The following ZBTB43 variants were observed in gnomAD, a reference collection of about 807,000 sequenced individuals.
The protein encoded by ZBTB43 is zinc finger and BTB domain containing 43.
A neutral mutation model predicts 31.1 loss-of-function variants in ZBTB43; 6 were observed. The ratio of observed to expected loss-of-function variants is 0.19; its 90% CI spans 0.11 to 0.38. The LOEUF (loss-of-function observed/expected upper bound fraction) is 0.38, where lower values mean the gene tolerates loss of function less well. Among genes scored for constraint, ZBTB43 ranks in the 10% least tolerant of loss-of-function variants. The pLI, the probability that ZBTB43 is intolerant of heterozygous loss-of-function variation, is 1.00. For synonymous variants in ZBTB43, 212 were observed against 221.7 expected (o/e 0.96, Z 0.39); for missense variants, 379 against 602.1 (o/e 0.63, Z 3.88).
intron 2 of ZBTB43, among the ~76,000 whole-genome samples, chr9:126,820,777 G>A (rs1246973288): frequency 6.6e-6 from 1 of 151,792 alleles, no homozygotes; most frequent in Non-Finnish European, 1.5e-5. Context: ...AGACCAACCT[G>A]AGCAGCATAC....
chr9:126,827,137 C>G (rs1236689799), intron 2 of ZBTB43, among the ~76,000 whole-genome samples: 2 of 152,108 alleles, frequency 1.3e-5, no homozygotes, highest in East Asian at 3.9e-4. Flanking sequence ...TTCCTTGTTC[C>G]ATGTAGTTGC....
At chr9:126,815,623 T>C (rs2900252) in intron 2 of ZBTB43, among the ~76,000 whole-genome samples, 22,206 of 150,488 alleles carry the variant, frequency 0.15, 2,150 homozygotes, top group South Asian at 0.28. Flanking sequence ...TTTTTTAAAT[T>C]TCTAGATGTT....
At chr9:126,806,633 T>G (rs1353894841) in intron 1 of ZBTB43, among the ~76,000 whole-genome samples, 1 of 152,236 alleles carries the variant, frequency 6.6e-6, no homozygotes, top group Non-Finnish European at 1.5e-5. Context: ...TCTTAAAGTT[T>G]TATGTATATT....
At chr9:126,825,546 C>G (rs1455063110) in intron 2 of ZBTB43, among the ~76,000 whole-genome samples, 1 of 152,210 alleles carries the variant, frequency 6.6e-6, no homozygotes, top group Non-Finnish European at 1.5e-5. Context: ...CAGCCTCCTT[C>G]TCACTGGGCC....
Position 126,833,367 on chromosome 9 carries a change from A to G in ZBTB43, c.858A>G (p.Gly286=). ...VQTEHTVQPS[G]VEEDFHIGEK... ...CAGAGCACACGGTGCAGCCTTCGGG[A>G]GTGGAGGAGGACTTCCACATCGGGG... Residue 286 remains glycine, a synonymous_variant, in exon 3 of 3, where the codon GGA becomes GGG. Coordinates refer to ENST00000373464, the MANE Select transcript of ZBTB43 (RefSeq NM_014007.4). This position sits in a 1 kb window ranked among gnomAD's most constrained non-coding sequence, Gnocchi z 7.9. The G allele has an allele frequency of 2.5e-6, 4 of 1,613,346 alleles. No homozygotes were observed. Among genetic ancestry groups the G allele is most frequent in the African/African-American group, 1.3e-5 (1 of 75,010 alleles).
intron 1 of ZBTB43, among the ~76,000 whole-genome samples, chr9:126,806,498 T>C (rs1462827968): frequency 1.3e-5 from 2 of 152,164 alleles, no homozygotes; most frequent in Admixed American, 1.3e-4. Flanking sequence ...GAGTTATTGC[T>C]TAATGTTACA....
chr9:126,819,734 TA>T (rs2032470644), intron 2 of ZBTB43, among the ~76,000 whole-genome samples: 1 of 152,064 alleles, frequency 6.6e-6, no homozygotes, highest in African/African-American at 2.4e-5. Context: ...TGACTAAGCT[TA>T]GTGAGGAAGG....
chr9:126,811,979 G>GTT (rs113608944), intron 2 of ZBTB43, among the ~76,000 whole-genome samples: 3 of 148,980 alleles, frequency 2.0e-5, no homozygotes, highest in African/African-American at 7.4e-5. Flanking sequence ...TAATAAAGAG[G>GTT]TTTTTTTTTT....
At chr9:126,808,190 G>A (rs2032168915) in intron 1 of ZBTB43, among the ~76,000 whole-genome samples, 1 of 152,118 alleles carries the variant, frequency 6.6e-6, no homozygotes. Flanking sequence ...CGATAAATGG[G>A]GGGTTAGTTT....
At chr9:126,809,737 G>C (rs573334895) in intron 2 of ZBTB43, among the ~76,000 whole-genome samples, 1 of 152,304 alleles carries the variant, frequency 6.6e-6, no homozygotes, top group Admixed American at 6.5e-5. Flanking sequence ...TAGCTTTTAA[G>C]AAGCATAGTG....
chr9:126,813,549 G>T (rs1209005666), intron 2 of ZBTB43, among the ~76,000 whole-genome samples: 2 of 152,144 alleles, frequency 1.3e-5, no homozygotes, highest in African/African-American at 4.8e-5. Context: ...GAGTGAAAGA[G>T]AGCCGAGGGA....
Position 126,833,617 on chromosome 9 carries a change from G to A in ZBTB43, c.1108G>A (p.Asp370Asn), listed in dbSNP as rs1270768769. ...EASHLGFSAT[D>N]KLYPCQCGKS... ...TTCCCACTTAGGATTCTCAGCCACT[G>A]ACAAGCTGTATCCTTGTCAGTGTGG... The change falls in exon 3 of 3, where the codon GAC becomes AAC. Residue 370 changes from aspartate (D) to asparagine (N), a missense_variant. Around this residue, in one of 5 missense-constraint regions of ZBTB43, gnomAD observed 253 missense variants for 322.3 expected, o/e 0.79. Transcript: ENST00000373464. This position sits in a 1 kb window ranked among gnomAD's most constrained non-coding sequence, Gnocchi z 7.9. 3 of 1,613,950 alleles carry A rather than the reference G, an allele frequency of 1.9e-6. No homozygotes were observed. The highest frequency in any genetic ancestry group is 4.5e-5 in the East Asian group (2 of 44,884).
chr9:126,831,147 C>T lies in ZBTB43; in HGVS notation c.-23-1340C>T, dbSNP rs78588266. ...TGAAAGACCAGAGGTGCAATTGTCC[C>T]GTCCTCACTGCTCAAGCCCCCAGGC... On this transcript the variant is annotated intron_variant, in intron 2 of 2. Coordinates refer to ENST00000373464, the MANE Select transcript of ZBTB43 (RefSeq NM_014007.4). Among the ~76,000 whole-genome samples, 1,475 of 152,210 alleles carry T rather than the reference C, an allele frequency of 9.7e-3. 12 individuals carry two copies. Among genetic ancestry groups the T allele is most frequent in the Middle Eastern group, 0.027 (8 of 294 alleles).
At chr9:126,815,865 A>C (rs1381897179) in intron 2 of ZBTB43, among the ~76,000 whole-genome samples, 2 of 151,500 alleles carry the variant, frequency 1.3e-5, no homozygotes, top group Non-Finnish European at 2.9e-5. Flanking sequence ...GTGATTTTTA[A>C]ATTTGATGTC....
Position 126,833,050 on chromosome 9 carries a change from A to G in ZBTB43, c.541A>G (p.Thr181Ala). Residue 181 changes from threonine (T) to alanine (A), a missense_variant, in exon 3 of 3, where the codon ACC (threonine) becomes GCC (alanine). Around this residue, in one of 5 missense-constraint regions of ZBTB43, gnomAD observed 253 missense variants for 322.3 expected, o/e 0.79. Coordinates refer to ENST00000373464, the MANE Select transcript of ZBTB43 (RefSeq NM_014007.4). The surrounding 1 kb of genome is among the most constrained non-coding windows in gnomAD (Gnocchi z 7.9). ...LRDGENEEES[T>A]KDELSSQLTE... ...AGATGGTGAAAATGAAGAGGAGAGC[A>G]CCAAAGACGAGCTGTCATCCCAGCT... The G allele has an allele frequency of 1.2e-6, 2 of 1,614,032 alleles. No homozygotes were observed. The highest frequency in any genetic ancestry group is 1.3e-5 in the African/African-American group (1 of 75,050).
intron 2 of ZBTB43, among the ~76,000 whole-genome samples, chr9:126,809,996 G>A (rs1241547293): frequency 2.0e-5 from 3 of 151,518 alleles, no homozygotes; most frequent in Non-Finnish European, 4.4e-5. Flanking sequence ...CACCACACCC[G>A]GCTAATTTTT....
Position 126,815,265 on chromosome 9 carries a change from TATAAAACTATATATATATA to T in ZBTB43, c.-24+6351_-24+6369del, listed in dbSNP as rs1170740871. 3.7e-3 allele frequency among the ~76,000 whole-genome samples: 480 copies of T among 129,206 alleles called. 6 individuals are homozygous for T. Among genetic ancestry groups the T allele is most frequent in the African/African-American group, 0.013 (450 of 35,590 alleles). 84.8% of individuals were successfully genotyped at this position (129,206 alleles called of 152,430 possible). The stretch of plus-strand genomic sequence containing the variant: ...AACTATATATATATAGTTTTCAATA[TATAAAACTATATATATATA>T]GTTTTCAATATATAAAACTATATAT... On this transcript the variant is annotated intron_variant, in intron 2 of 2. Transcript: ENST00000373464.
intron 2 of ZBTB43, among the ~76,000 whole-genome samples, chr9:126,809,411 A>G (rs2119107424): frequency 6.6e-6 from 1 of 152,348 alleles, no homozygotes; most frequent in South Asian, 2.1e-4. Context: ...AATTTACTGA[A>G]GCAACATTTA....
chr9:126,826,158 C>T (rs566487478), intron 2 of ZBTB43, among the ~76,000 whole-genome samples: 2 of 151,794 alleles, frequency 1.3e-5, no homozygotes, highest in East Asian at 2.0e-4. Context: ...GTATTACAGG[C>T]GCCCACCACC....
Sources: allele counts gnomAD v4.1 joint callset (sites outside exome capture counted in the v4.1 genomes callset), GRCh38; gene constraint gnomAD v4.1.1; regional missense constraint gnomAD v4.1.1; non-coding constraint Gnocchi (gnomAD v3.1); transcripts MANE v1.5; gene names NCBI Gene and HGNC (gene_info 2026-07-23, HGNC 2026-07-21).